The following HTD2 variants were observed in gnomAD, a reference collection of about 807,000 sequenced individuals.
The protein encoded by HTD2 is hydroxyacyl-thioester dehydratase type 2, mitochondrial.
HTD2 carries 1 observed loss-of-function variant against 3.1 expected under a neutral mutation model. The ratio of observed to expected loss-of-function variants is 0.32; its 90% CI spans 0.11 to 1.52. The LOEUF (loss-of-function observed/expected upper bound fraction) is 1.52, where lower values mean the gene tolerates loss of function less well. Ranked by LOEUF, HTD2 falls within the 40% of genes most tolerant of loss-of-function variation. HTD2 has a pLI of 0.39. For synonymous variants in HTD2, 50 were observed against 28.9 expected (o/e 1.73, Z -2.34); for missense variants, 150 against 79.6 (o/e 1.88, Z -3.36).
At chr3:58,313,772 T>C (rs1251513582) in intron 2 of HTD2, among the ~76,000 whole-genome samples, 1 of 152,024 alleles carries the variant, frequency 6.6e-6, no homozygotes, top group Non-Finnish European at 1.5e-5. Flanking sequence ...TTGCAATGAG[T>C]GGTGATCACA....
In HTD2 at chr3:58,316,579, G is replaced by C; in HGVS notation, c.-266G>C. The C allele has an allele frequency of 6.2e-7, 1 of 1,613,998 alleles. No individual in the cohort carries two copies. Among genetic ancestry groups the C allele is most frequent in the Non-Finnish European group, 8.5e-7 (1 of 1,179,892 alleles). ...GAGAAGACCTTGTCAGCCATCTTGA[G>C]AATATGTAGCAGGTATGACAGAGAG... On this transcript the variant is annotated 5_prime_UTR_variant, in exon 3 of 5. Transcript: ENST00000461393.
At chr3:58,311,181 G>A (rs1338254097) in intron 2 of HTD2, among the ~76,000 whole-genome samples, 1 of 151,352 alleles carries the variant, frequency 6.6e-6, no homozygotes, top group Non-Finnish European at 1.5e-5. Flanking sequence ...TTGAGATGGA[G>A]TCTTGCTTTG....
chr3:58,310,216 AAAC>A (rs2097480620), intron 1 of HTD2: 12 of 946,180 alleles, frequency 1.3e-5, no homozygotes, highest in Non-Finnish European at 2.0e-5. Context: ...TAAAACAAAC[AAAC>A]AAAAAAAACC....
chr3:58,307,085 C>G (rs1211787660), intron 1 of HTD2, among the ~76,000 whole-genome samples: 1 of 152,070 alleles, frequency 6.6e-6, no homozygotes, highest in Non-Finnish European at 1.5e-5. Flanking sequence ...AAGCTAGAGC[C>G]GAGGCCCAGC....
intron 2 of HTD2, among the ~76,000 whole-genome samples, chr3:58,313,581 T>G (rs1475298330): frequency 6.6e-6 from 1 of 150,824 alleles, no homozygotes; most frequent in Non-Finnish European, 1.5e-5. Flanking sequence ...CCACCACTTT[T>G]GAGAGGCCAA....
Position 58,310,498 on chromosome 3 carries a change from T to C in HTD2, c.-415-9T>C. Reference sequence around the variant, plus strand: ...TTAATATGACTTTTTTTTTTTTCACTTTTTTTAGAGAATTTCAAGATTGTG... The same window carrying C: ...TTAATATGACTTTTTTTTTTTTCACCTTTTTTAGAGAATTTCAAGATTGTG... On this transcript the variant is annotated splice_polypyrimidine_tract_variant and intron_variant, in intron 1 of 4. Coordinates refer to ENST00000461393, the MANE Select transcript of HTD2 (RefSeq NM_001348712.2). 1 of 1,605,054 alleles carries C rather than the reference T, an allele frequency of 6.2e-7. No individual in the cohort carries two copies. Among genetic ancestry groups the C allele is most frequent in the Non-Finnish European group, 8.5e-7 (1 of 1,176,056 alleles).
intron 2 of HTD2, 28 bp downstream of exon 2, chr3:58,310,619 T>G (rs757711037): frequency 1.3e-6 from 2 of 1,569,154 alleles, no homozygotes; most frequent in Non-Finnish European, 1.7e-6. Flanking sequence ...AGATTGAACA[T>G]TCCAAAGATC....
At chr3:58,312,399 A>G (rs2097483327) in intron 2 of HTD2, among the ~76,000 whole-genome samples, 1 of 131,642 alleles carries the variant, frequency 7.6e-6, no homozygotes, top group Non-Finnish European at 1.5e-5. Context: ...AGCTGAGACT[A>G]CAGGTACCTG....
At chr3:58,317,340 A>C in intron 4 of HTD2, 100 bp from the exon 5 acceptor site, 1 of 768,168 alleles carries the variant, frequency 1.3e-6, no homozygotes, top group Non-Finnish European at 2.2e-6. Flanking sequence ...ATGCTCCTGC[A>C]TCAGCTTTGT....
At position 58,319,920 on chromosome 3, in the gene HTD2, A is replaced by G. The variant is rs2097492749; in HGVS notation, c.*1800A>G. The G allele has an allele frequency of 6.6e-6, 1 of 152,122 alleles. No homozygotes were observed. Among genetic ancestry groups the G allele is most frequent in the Non-Finnish European group, 1.5e-5 (1 of 68,028 alleles). The allele number at this position is 152,122 out of a possible 1,614,324, so 9.4% of individuals were successfully genotyped here. On this transcript the variant is annotated 3_prime_UTR_variant, in exon 5 of 5. Coordinates refer to ENST00000461393, the MANE Select transcript of HTD2 (RefSeq NM_001348712.2). ...CACAAAGTTGTACAACCATCACCAAATCAATTTTTTATAGCATTTTTCATC... is the reference window on the plus strand; with the variant it reads ...CACAAAGTTGTACAACCATCACCAAGTCAATTTTTTATAGCATTTTTCATC...
intron 2 of HTD2, among the ~76,000 whole-genome samples, chr3:58,314,481 A>G (rs1463364131): frequency 1.3e-5 from 2 of 152,222 alleles, no homozygotes; most frequent in Non-Finnish European, 2.9e-5. Flanking sequence ...AAGCACATGG[A>G]AAGATGTTTA....
In HTD2 at chr3:58,319,074, A is replaced by G. The variant is rs1035686332; in HGVS notation, c.*954A>G. On this transcript the variant is annotated 3_prime_UTR_variant, in exon 5 of 5. Coordinates refer to ENST00000461393, the MANE Select transcript of HTD2 (RefSeq NM_001348712.2). ...GGATAACAAATCCCTACCTATAGCC[A>G]TGTGGAAGCAGCTTGTCACTGTATT... is the stretch of plus-strand genomic sequence containing the variant. 5.3e-5 allele frequency: 8 copies of G among 152,182 alleles called. No homozygotes were observed. Among genetic ancestry groups the G allele is most frequent in the Non-Finnish European group, 1.2e-4 (8 of 68,036 alleles). The allele number at this position is 152,182 out of a possible 1,614,324, so 9.4% of individuals were successfully genotyped here.
chr3:58,307,152 G>C (rs896584933), intron 1 of HTD2, among the ~76,000 whole-genome samples: 1 of 152,356 alleles, frequency 6.6e-6, no homozygotes, highest in South Asian at 2.1e-4. Flanking sequence ...GTGGTGGCGG[G>C]GATTGAGCGG....
chr3:58,314,675 ATTTTTTTTT>A (rs751757663), intron 2 of HTD2, among the ~76,000 whole-genome samples: 6 of 90,582 alleles, frequency 6.6e-5, no homozygotes, highest in South Asian at 4.5e-4. Flanking sequence ...GTTTGGCAGT[ATTTTTTTTT>A]TTTTTTTTTT....
In HTD2 at chr3:58,310,151, G is replaced by A. The variant is rs893049917; in HGVS notation, c.-415-356G>A. 1.1e-3 allele frequency: 642 copies of A among 599,676 alleles called. 9 individuals carry two copies. Among genetic ancestry groups the A allele is most frequent in the Non-Finnish European group, 1.9e-4 (63 of 337,630 alleles). 37.1% of individuals were successfully genotyped at this position (599,676 alleles called of 1,614,324 possible). ...GAGAGCCAGAGGTGGAGGCTGCAGT[G>A]AACTCTGATTGTACCACTGCACTTC... is the stretch of plus-strand genomic sequence containing the variant. On this transcript the variant is annotated intron_variant, in intron 1 of 4. Coordinates refer to ENST00000461393, the MANE Select transcript of HTD2 (RefSeq NM_001348712.2).
intron 2 of HTD2, 74 bp downstream of exon 2, chr3:58,310,665 G>T: frequency 1.6e-6 from 2 of 1,288,736 alleles, no homozygotes; most frequent in Non-Finnish European, 2.2e-6. Flanking sequence ...GGGCGCGGTA[G>T]CTCACGCCTG....
intron 2 of HTD2, among the ~76,000 whole-genome samples, chr3:58,316,198 G>A (rs187434149): frequency 2.6e-5 from 4 of 152,288 alleles, no homozygotes; most frequent in African/African-American, 9.6e-5. Context: ...AAGAATAAAG[G>A]GAATTATGAA....
chr3:58,310,658 C>T (rs937877411), intron 2 of HTD2, 67 bp downstream of exon 2: 28 of 1,387,836 alleles, frequency 2.0e-5, no homozygotes, highest in Admixed American at 6.2e-5. Flanking sequence ...AGAGGCCGGG[C>T]GCGGTAGCTC....
chr3:58,317,934 T>C lies in HTD2; in HGVS notation c.321T>C (p.Phe107=). Residue 107 remains phenylalanine (F), a synonymous_variant, in exon 5 of 5, where the codon TTT becomes TTC. Coordinates refer to ENST00000461393, the MANE Select transcript of HTD2 (RefSeq NM_001348712.2). ...AAATGCCAGGGCCAGGCTGTGTATT[T>C]CTTTCCCAGGAAATTAGCTTTCCAG... ...GTKMPGPGCV[F]LSQEISFPAP... is the part of the protein sequence containing the mutation. 1.4e-6 allele frequency: 1 copy of C among 702,922 alleles called. No individual in the cohort carries two copies. Among genetic ancestry groups the C allele is most frequent in the Non-Finnish European group, 2.6e-6 (1 of 384,974 alleles). 43.5% of individuals were successfully genotyped at this position (702,922 alleles called of 1,614,324 possible).
Sources: allele counts gnomAD v4.1 joint callset (sites outside exome capture counted in the v4.1 genomes callset), GRCh38; gene constraint gnomAD v4.1.1; transcripts MANE v1.5; gene names NCBI Gene and HGNC (gene_info 2026-07-23, HGNC 2026-07-21).